The following MED23 variants were observed in gnomAD, a reference collection of about 807,000 sequenced individuals.
The protein encoded by MED23 is mediator complex subunit 23.
A neutral mutation model predicts 163.9 loss-of-function variants in MED23; 105 were observed. The observed-to-expected ratio is 0.64, with a 90% CI of 0.55 to 0.75. The LOEUF is 0.75. Among genes scored for constraint, MED23 ranks in the 30% least tolerant of loss-of-function variants. The pLI is 0.00. For missense variants in MED23, 1,054 were observed against 1,649.0 expected, an observed-to-expected ratio of 0.64 and a Z score of 6.25; for synonymous variants, 561 against 565.6, an observed-to-expected ratio of 0.99 and a Z score of 0.12.
chr6:131,626,553 T>C (rs1433412669), intron 3 of MED23, among the ~76,000 whole-genome samples: 1 of 152,198 alleles, frequency 6.6e-6, no homozygotes, highest in Non-Finnish European at 1.5e-5. Context: ...AGTGTTTCTA[T>C]ATGCATAAAA....
rs104893943 is a variant in MED23, at chr6:131,581,326, G to T, written c.4095+6383C>A. ...AACACTCCACTGACAACCACAAGTG[G>T]AAACTTGCATGGACAACCTGTATCT... is the stretch of plus-strand genomic sequence containing the variant. On this transcript the variant is annotated intron_variant, in intron 30 of 30. Coordinates refer to the MED23 transcript ENST00000354577. 6.2e-7 allele frequency: 1 copy of T among 1,613,782 alleles called. No individual in the cohort carries two copies. Among genetic ancestry groups the T allele is most frequent in the African/African-American group, 1.3e-5 (1 of 74,910 alleles).
chr6:131,624,469 C>A lies in MED23; in HGVS notation c.284+396G>T, dbSNP rs183195673. Reference sequence around the variant, plus strand: ...GGGAAGCTTTTGCCATGCTCCAGCCCTAGCCACATTGATCACAATCATTAT... The same window carrying A: ...GGGAAGCTTTTGCCATGCTCCAGCCATAGCCACATTGATCACAATCATTAT... On this transcript the variant is annotated intron_variant, in intron 4 of 28. Transcript: ENST00000368068. Among the ~76,000 whole-genome samples, 728 of 152,288 alleles carry A rather than the reference C, an allele frequency of 4.8e-3. 3 individuals carry two copies. Among genetic ancestry groups the A allele is most frequent in the African/African-American group, 0.015 (634 of 41,544 alleles).
chr6:131,583,521 C>G (rs1562361562), downstream of MED23: 2 of 1,611,550 alleles, frequency 1.2e-6, no homozygotes, highest in African/African-American at 1.3e-5. Flanking sequence ...AATAGAGAAG[C>G]AAGTGTACAC....
intron 30 of MED23, chr6:131,581,305 C>T (rs574320679): frequency 9.3e-6 from 15 of 1,613,942 alleles, no homozygotes; most frequent in Non-Finnish European, 1.2e-5. Context: ...GATATCAACA[C>T]TCCACTGACA....
chr6:131,576,957 C>CA (rs1773643384), intron 30 of MED23, among the ~76,000 whole-genome samples: 1 of 151,382 alleles, frequency 6.6e-6, no homozygotes, highest in Admixed American at 6.6e-5. Flanking sequence ...TCTTTCCAGC[C>CA]AAACTACAGT....
chr6:131,583,330 G>GAAAT (rs748252743), downstream of MED23: 302 of 1,613,936 alleles, frequency 1.9e-4, 1 homozygote, highest in Non-Finnish European at 1.3e-4. Context: ...ACCTTAAACT[G>GAAAT]AAATCCTTTC....
chr6:131,588,560 T>C (rs1249295421), intron 28 of MED23, among the ~76,000 whole-genome samples: 3 of 152,196 alleles, frequency 2.0e-5, no homozygotes, highest in Non-Finnish European at 4.4e-5. Context: ...TTCTGTGTTG[T>C]AACAAAAGCA....
At position 131,600,140 on chromosome 6, in the gene MED23, T is replaced by G; in HGVS notation, c.2118A>C (p.Ser706=). The G allele has an allele frequency of 1.9e-6, 3 of 1,611,408 alleles. No individual in the cohort carries two copies. The highest frequency in any genetic ancestry group is 2.5e-6 in the Non-Finnish European group (3 of 1,177,612). Residue 706 remains serine (S), a synonymous_variant, in exon 18 of 29, where the codon TCA becomes TCC. Transcript: ENST00000368068. ...TGTCTTTACACCAAGTTCCCTGAATTGAATCAGAGCCTGTAAAAAAATCTA... is the reference window on the plus strand; with the variant it reads ...TGTCTTTACACCAAGTTCCCTGAATGGAATCAGAGCCTGTAAAAAAATCTA... The part of the protein sequence containing the change: ...HVTDFFTGSD[S]IQGTWCKDIL...
At chr6:131,605,684 T>C (rs1775804637) in intron 13 of MED23, among the ~76,000 whole-genome samples, 199 bp from the exon 14 acceptor site, 1 of 152,188 alleles carries the variant, frequency 6.6e-6, no homozygotes, top group African/African-American at 2.4e-5. Context: ...AAAATAATTT[T>C]AAATAAACAA....
Position 131,590,416 on chromosome 6 carries a change from A to G in MED23, c.3713T>C (p.Ile1238Thr). 6.2e-7 allele frequency: 1 copy of G among 1,605,566 alleles called. No homozygotes were observed. The highest frequency in any genetic ancestry group is 1.1e-5 in the South Asian group (1 of 90,846). ...AAGCAACTGGAATTCGGTCTTCACT[A>G]TAGGAAGAAGTACTTCAGTAAGAAA... ...PKFLTEVLLP[I>T]VKTEFQLLYV... Residue 1238 changes from isoleucine (I) to threonine (T), a missense_variant, in exon 27 of 29, where the codon ATA becomes ACA. Around this residue, in one of 11 missense-constraint regions of MED23, gnomAD observed 362 missense variants for 471.6 expected, o/e 0.77. Coordinates refer to ENST00000368068, the MANE Select transcript of MED23 (RefSeq NM_004830.4).
In MED23 at chr6:131,598,124, C is replaced by G; in HGVS notation, c.2607+163G>C. The G allele has an allele frequency of 1.3e-6, 1 of 762,636 alleles. No individual in the cohort carries two copies. The allele number at this position is 762,636 out of a possible 1,614,324, so 47.2% of individuals were successfully genotyped here. ...ACAAAAAAACAAAAACAAACAAAAA[C>G]AGAAATTGGAAAATTTCCGGCTCTT... is the stretch of plus-strand genomic sequence containing the variant. On this transcript the variant is annotated intron_variant, in intron 20 of 28. Transcript: ENST00000368068. This position sits in a 1 kb window ranked among gnomAD's most constrained non-coding sequence, Gnocchi z 4.7.
chr6:131,609,271 C>A (rs1380873384), intron 11 of MED23, among the ~76,000 whole-genome samples: 1 of 152,152 alleles, frequency 6.6e-6, no homozygotes, highest in Admixed American at 6.6e-5. Context: ...GGCACATGGC[C>A]ATTCAAAGTT....
intron 30 of MED23, chr6:131,574,348 A>T: frequency 1.2e-6 from 2 of 1,607,962 alleles, no homozygotes; most frequent in Non-Finnish European, 1.7e-6. Context: ...CTGCATTTGG[A>T]CTGTCAGTAA....
downstream of MED23, chr6:131,582,733 T>C: frequency 6.2e-7 from 1 of 1,610,268 alleles, no homozygotes; most frequent in East Asian, 2.2e-5. Context: ...TATTCCTTGA[T>C]GTGATTTGCC....
rs1456559965 is a variant in MED23, at chr6:131,591,414, G to A, written c.3585C>T (p.Ala1195=). The A allele has an allele frequency of 1.2e-6, 2 of 1,613,780 alleles. No individual in the cohort carries two copies. Among genetic ancestry groups the A allele is most frequent in the South Asian group, 2.2e-5 (2 of 91,068 alleles). ...TCATCTCAGAGTAGGACTGATGACAGGCAGTGAAATCAAAGAGGCGGAATG... is the reference window on the plus strand; with the variant it reads ...TCATCTCAGAGTAGGACTGATGACAAGCAGTGAAATCAAAGAGGCGGAATG... ...GYPFRLFDFT[A]CHQSYSEMSC... is the part of the protein sequence containing the mutation. The change falls in exon 26 of 29, where the codon GCC becomes GCT. Residue 1195 remains alanine (A), a synonymous_variant. Coordinates refer to ENST00000368068, the MANE Select transcript of MED23 (RefSeq NM_004830.4).
rs1444218993 is a variant in MED23 at position 131,576,858 on chromosome 6, C to T, written c.4096-2563G>A. On this transcript the variant is annotated intron_variant, in intron 30 of 30. Transcript: ENST00000354577. ...ATCAGAATTGCGGTACTGGTTACAA[C>T]CCGAGAAACACATCCTACAAAAGCA... is the stretch of plus-strand genomic sequence containing the variant. The T allele has an allele frequency of 6.0e-6, 5 of 833,494 alleles. No homozygotes were observed. In the Admixed American group the frequency reaches 1.0e-4, roughly 17 times the overall value. 51.6% of individuals were successfully genotyped at this position (833,494 alleles called of 1,614,324 possible).
At chr6:131,624,178 C>G (rs1777317974) in intron 4 of MED23, among the ~76,000 whole-genome samples, 1 of 152,106 alleles carries the variant, frequency 6.6e-6, no homozygotes, top group Admixed American at 6.5e-5. Flanking sequence ...TGACATTTCT[C>G]CCAAGGAGAG....
chr6:131,612,007 C>G (rs776662940), intron 10 of MED23, among the ~76,000 whole-genome samples: 2 of 151,982 alleles, frequency 1.3e-5, no homozygotes, highest in East Asian at 3.9e-4. Context: ...AAAAATAGTA[C>G]GATTTTGACA....
At position 131,586,740 on chromosome 6, in the gene MED23, C is replaced by T. The variant is rs559977582; in HGVS notation, c.*939G>A. Reference sequence around the variant, plus strand: ...CACTCATTCCAATGGAGTCGGGAAACAATCACACGGTTTATTCATTCAGCA... The same window carrying T: ...CACTCATTCCAATGGAGTCGGGAAATAATCACACGGTTTATTCATTCAGCA... On this transcript the variant is annotated 3_prime_UTR_variant, in exon 29 of 29. Transcript: ENST00000368068. 6.4e-5 allele frequency: 93 copies of T among 1,449,438 alleles called. No individual in the cohort carries two copies. The South Asian group carries it at 6.7e-4, about 10-fold the overall frequency. 89.8% of individuals were successfully genotyped at this position (1,449,438 alleles called of 1,614,324 possible). A position where few individuals can be genotyped will look rare whatever the true frequency, so the allele number is the denominator to read the frequency against.
Sources: allele counts gnomAD v4.1 joint callset (sites outside exome capture counted in the v4.1 genomes callset), GRCh38; gene constraint gnomAD v4.1.1; regional missense constraint gnomAD v4.1.1; non-coding constraint Gnocchi (gnomAD v3.1); transcripts MANE v1.5; gene names NCBI Gene and HGNC (gene_info 2026-07-23, HGNC 2026-07-21).